The following SYT1 variants were observed in gnomAD, a reference collection of about 807,000 sequenced individuals.
The protein encoded by SYT1 is synaptotagmin 1.
In SYT1, 8 loss-of-function variants were observed where a neutral mutation model predicts 44.8. The observed-to-expected ratio is 0.18, with a 90% CI of 0.10 to 0.32. The LOEUF (loss-of-function observed/expected upper bound fraction) is 0.32, where lower values mean the gene tolerates loss of function less well. SYT1 is among the 10% of genes least tolerant of loss of function. The pLI is 1.00. For synonymous variants in SYT1, 154 were observed against 188.8 expected, an observed-to-expected ratio of 0.82 and a Z score of 1.51; for missense variants, 286 against 509.3, an observed-to-expected ratio of 0.56 and a Z score of 4.22.
Position 79,003,268 on chromosome 12 carries a change from T to C in SYT1, c.-84+25337T>C, listed in dbSNP as rs1234010331. ...ATCACATGACATCTCCTAGACCTAG[T>C]CCCTTGGAAATTACTTGTCTAGAAC... On this transcript the variant is annotated intron_variant, in intron 2 of 10. Coordinates refer to ENST00000261205, the MANE Select transcript of SYT1 (RefSeq NM_005639.3). Among the ~76,000 whole-genome samples the C allele has an allele frequency of 3.3e-5, 5 of 151,838 alleles. No individual in the cohort carries two copies. The East Asian group carries it at 9.6e-4, about 29-fold the overall frequency.
At chr12:79,069,725 TA>T (rs907349579) in intron 3 of SYT1, among the ~76,000 whole-genome samples, 2 of 152,134 alleles carry the variant, frequency 1.3e-5, no homozygotes, top group Non-Finnish European at 2.9e-5. Flanking sequence ...AGTCAGATGT[TA>T]AAATCCCTTT....
At chr12:79,214,645 T>C (rs540938072) in intron 3 of SYT1, among the ~76,000 whole-genome samples, 38 of 152,312 alleles carry the variant, frequency 2.5e-4, no homozygotes, top group African/African-American at 9.1e-4. Context: ...CACTTGAAAG[T>C]AGGAGCTGAA....
At chr12:79,275,284 T>A (rs761680218) in intron 4 of SYT1, among the ~76,000 whole-genome samples, 1 of 152,062 alleles carries the variant, frequency 6.6e-6, no homozygotes, top group Non-Finnish European at 1.5e-5. Context: ...CCTGTGCTCA[T>A]GAAGAGATTT....
chr12:79,035,210 T>C (rs1365655578), intron 2 of SYT1, among the ~76,000 whole-genome samples: 1 of 151,730 alleles, frequency 6.6e-6, no homozygotes, highest in Non-Finnish European at 1.5e-5. Flanking sequence ...GGTTTGAATA[T>C]GGAGCAAACC....
chr12:79,307,484 G>A (rs550578477), intron 8 of SYT1, among the ~76,000 whole-genome samples: 6 of 152,092 alleles, frequency 3.9e-5, no homozygotes, highest in Non-Finnish European at 7.3e-5. Flanking sequence ...CCCCACGTTC[G>A]GCCACCTGAC....
At chr12:79,375,997 G>A (rs1883979532) in intron 9 of SYT1, among the ~76,000 whole-genome samples, 1 of 152,180 alleles carries the variant, frequency 6.6e-6, no homozygotes, top group African/African-American at 2.4e-5. Flanking sequence ...AAAGAAAAAT[G>A]ATTAATCATT....
chr12:79,309,919 C>CT, intron 8 of SYT1, among the ~76,000 whole-genome samples: 1 of 151,960 alleles, frequency 6.6e-6, no homozygotes. Flanking sequence ...GATATTAGCC[C>CT]TTTGTCAGAT....
intron 9 of SYT1, among the ~76,000 whole-genome samples, chr12:79,382,090 G>A (rs753319638): frequency 3.9e-5 from 6 of 152,068 alleles, no homozygotes; most frequent in African/African-American, 7.2e-5. Context: ...TCAATCAGTC[G>A]TCAGGGTACC....
intron 2 of SYT1, among the ~76,000 whole-genome samples, chr12:79,003,637 T>C (rs1372167456): frequency 6.6e-6 from 1 of 151,968 alleles, no homozygotes; most frequent in Non-Finnish European, 1.5e-5. Context: ...TACAAAAGGG[T>C]ATACTTTAAT....
At position 79,451,244 on chromosome 12, in the gene SYT1, C is replaced by A. The variant is rs1479134229; in HGVS notation, c.*2120C>A. On this transcript the variant is annotated 3_prime_UTR_variant, in exon 11 of 11. Coordinates refer to ENST00000261205, the MANE Select transcript of SYT1 (RefSeq NM_005639.3). The stretch of plus-strand genomic sequence containing the variant: ...GACATAAAGGATAAAAGGAAAATAA[C>A]CGTCTGCCGATGGTCCGTACTTCTT... 6.6e-6 allele frequency: 1 copy of A among 152,178 alleles called. No individual in the cohort carries two copies. Among genetic ancestry groups the A allele is most frequent in the African/African-American group, 2.4e-5 (1 of 41,434 alleles). The allele number at this position is 152,178 out of a possible 1,614,324, so 9.4% of individuals were successfully genotyped here.
intron 1 of SYT1, among the ~76,000 whole-genome samples, chr12:78,868,400 T>A (rs1156652642): frequency 1.3e-5 from 2 of 151,862 alleles, no homozygotes; most frequent in Non-Finnish European, 3.0e-5. Flanking sequence ...GTTGTGATAT[T>A]TTAAAATTCT....
At chr12:79,181,239 G>C (rs1265104784) in intron 3 of SYT1, among the ~76,000 whole-genome samples, 2 of 151,854 alleles carry the variant, frequency 1.3e-5, no homozygotes, top group Non-Finnish European at 2.9e-5. Context: ...GTGAGATTTG[G>C]ATGAGGACAC....
intron 4 of SYT1, among the ~76,000 whole-genome samples, chr12:79,239,175 T>C (rs1526972): frequency 0.77 from 116,697 of 151,824 alleles, 45,891 homozygotes; most frequent in African/African-American, 0.94. Flanking sequence ...TGTAGAGATA[T>C]CTTAGTTTTC....
At chr12:78,966,749 C>T (rs1338472578) in intron 1 of SYT1, among the ~76,000 whole-genome samples, 2 of 152,088 alleles carry the variant, frequency 1.3e-5, no homozygotes, top group East Asian at 3.9e-4. Flanking sequence ...GGAGAAAGCA[C>T]TTATTCCTTC....
chr12:79,254,052 A>G (rs1877378997), intron 4 of SYT1, among the ~76,000 whole-genome samples: 1 of 152,202 alleles, frequency 6.6e-6, no homozygotes, highest in Admixed American at 6.5e-5. Flanking sequence ...AGAAGCTGCC[A>G]CAAGTTTTCC....
intron 8 of SYT1, among the ~76,000 whole-genome samples, chr12:79,353,099 G>C (rs1882977277): frequency 6.6e-6 from 1 of 152,220 alleles, no homozygotes. Flanking sequence ...CAAAAATTTA[G>C]GTCGATTGAT....
rs544005305 is a variant in SYT1 at position 79,378,138 on chromosome 12, T to A, written c.928+24519T>A. Among the ~76,000 whole-genome samples the A allele has an allele frequency of 5.4e-4, 83 of 152,324 alleles. 1 individual carries two copies. Among genetic ancestry groups the A allele is most frequent in the African/African-American group, 1.9e-3 (81 of 41,574 alleles). On this transcript the variant is annotated intron_variant, in intron 9 of 10. Transcript: ENST00000261205. ...GTTTTCACTCATCCTTATTTTTAAT[T>A]CACTTGCTAGATTATCAAATTCAAA...
At chr12:79,391,223 C>T (rs1271543750) in intron 9 of SYT1, among the ~76,000 whole-genome samples, 1 of 152,170 alleles carries the variant, frequency 6.6e-6, no homozygotes, top group Non-Finnish European at 1.5e-5. Flanking sequence ...GGTGCCCAGG[C>T]CCACCCCAGT....
intron 1 of SYT1, among the ~76,000 whole-genome samples, chr12:78,938,265 A>T (rs899331760): frequency 1.3e-5 from 2 of 152,152 alleles, no homozygotes; most frequent in Non-Finnish European, 2.9e-5. Flanking sequence ...ATCTACCTGC[A>T]AACAGCCATC....
Sources: allele counts gnomAD v4.1 joint callset (sites outside exome capture counted in the v4.1 genomes callset), GRCh38; gene constraint gnomAD v4.1.1; transcripts MANE v1.5; gene names NCBI Gene and HGNC (gene_info 2026-07-23, HGNC 2026-07-21).